TMEM273: variants seen among roughly 807,000 people sequenced by gnomAD.
TMEM273 encodes the protein chromosome 10 open reading frame 128.
A neutral mutation model predicts 17.9 loss-of-function variants in TMEM273; 19 were observed. The ratio of observed to expected loss-of-function variants is 1.06; its 90% CI spans 0.74 to 1.55. The LOEUF is 1.55. Ranked by LOEUF, TMEM273 falls within the 40% of genes most tolerant of loss-of-function variation. The pLI, the probability that TMEM273 is intolerant of heterozygous loss-of-function variation, is 0.00. For synonymous variants in TMEM273, 66 were observed against 62.0 expected, an observed-to-expected ratio of 1.07 and a Z score of -0.31; for missense variants, 194 against 155.6, an observed-to-expected ratio of 1.25 and a Z score of -1.31.
chr10:49,161,491 T>C, intron 6 of TMEM273, 108 bp downstream of exon 6: 1 of 1,435,018 alleles, frequency 7.0e-7, no homozygotes. Flanking sequence ...TGGTTGCCCG[T>C]CCCACGTGGC....
chr10:49,156,222 T>G, intron 6 of TMEM273: 3 of 1,397,292 alleles, frequency 2.1e-6, no homozygotes, highest in Non-Finnish European at 1.9e-6. Context: ...ACTTTTCACT[T>G]TCTGTAGTTG....
chr10:49,168,669 G>A (rs1229238427), intron 1 of TMEM273, among the ~76,000 whole-genome samples: 1 of 115,916 alleles, frequency 8.6e-6, no homozygotes, highest in Non-Finnish European at 1.6e-5. Flanking sequence ...AGGAAGGAAG[G>A]AAGAAAGGAA....
Position 49,166,072 on chromosome 10 carries a change from G to A in TMEM273, c.239-276C>T, listed in dbSNP as rs143681973. Among the ~76,000 whole-genome samples the A allele has an allele frequency of 2.2e-3, 341 of 152,232 alleles. 1 individual carries two copies. The highest frequency in any genetic ancestry group is 6.8e-3 in the Middle Eastern group (2 of 294). On this transcript the variant is annotated intron_variant, in intron 3 of 6. Coordinates refer to ENST00000374153, the MANE Select transcript of TMEM273 (RefSeq NM_001288740.3). ...CATCTCGGAAGCCTCCTCCTCTCCC[G>A]GCCCAGACCAGCCCCTTCTGCTTAT...
chr10:49,160,534 A>AT (rs1416349681), intron 6 of TMEM273: 5 of 152,170 alleles, frequency 3.3e-5, no homozygotes, highest in Admixed American at 1.3e-4. Flanking sequence ...AAATACAAAT[A>AT]TTTTTTCTGG....
chr10:49,164,374 A>T (rs1458539037), intron 5 of TMEM273, among the ~76,000 whole-genome samples: 1 of 151,854 alleles, frequency 6.6e-6, no homozygotes, highest in Non-Finnish European at 1.5e-5. Flanking sequence ...ACCTGGACTT[A>T]CTCCAGCAGG....
At chr10:49,175,630 C>T (rs1368952950) in intron 1 of TMEM273, among the ~76,000 whole-genome samples, 1 of 152,268 alleles carries the variant, frequency 6.6e-6, no homozygotes, top group Non-Finnish European at 1.5e-5. Context: ...CTGATCAATA[C>T]CTTTTCAGGC....
At position 49,171,026 on chromosome 10, in the gene TMEM273, G is replaced by A. The variant is rs114117177; in HGVS notation, c.44-3064C>T. Among the ~76,000 whole-genome samples, 285 of 152,326 alleles carry A rather than the reference G, an allele frequency of 1.9e-3. 2 individuals carry two copies. Among genetic ancestry groups the A allele is most frequent in the African/African-American group, 6.2e-3 (259 of 41,574 alleles). On this transcript the variant is annotated intron_variant, in intron 1 of 6. Transcript: ENST00000374153. ...CTCGGCTGCATTTAGATCTGTGGGA[G>A]ACCCCAGGAGGAAGCCCACGAGGAC... is the stretch of plus-strand genomic sequence containing the variant.
In TMEM273 at chr10:49,167,002, C is replaced by G. The variant is rs1442511848; in HGVS notation, c.105G>C (p.Lys35Asn). ...CCACAGCAGTCCCGATGAGGGCGTA[C>G]TTGAAATCTGAAACGCAGGGAGGAA... is the stretch of plus-strand genomic sequence containing the variant. Reference protein sequence around the residue: ...GKTPGAEIDFKYALIGTAVGV... With the variant: ...GKTPGAEIDFNYALIGTAVGV... The change falls in exon 3 of 7, where the codon AAG becomes AAC. Residue 35 changes from lysine to asparagine, a missense_variant. Physicochemically the swap from Lys to Asn is moderately conservative, Grantham distance 94 (BLOSUM62 0). Transcript: ENST00000374153. 1.2e-6 allele frequency: 2 copies of G among 1,613,854 alleles called. No individual in the cohort carries two copies. The highest frequency in any genetic ancestry group is 1.1e-5 in the South Asian group (1 of 91,080).
intron 6 of TMEM273, chr10:49,160,532 A>G (rs1845777862): frequency 6.6e-6 from 1 of 152,180 alleles, no homozygotes. Context: ...ATAAATACAA[A>G]TATTTTTTCT....
intron 4 of TMEM273, 167 bp from the exon 5 acceptor site, chr10:49,165,450 T>TG: frequency 6.8e-7 from 1 of 1,476,800 alleles, no homozygotes; most frequent in Non-Finnish European, 9.0e-7. Context: ...TGACAGGGGC[T>TG]GGAGGCCTCA....
chr10:49,156,220 C>T (rs1845496406), intron 6 of TMEM273: 1 of 1,401,198 alleles, frequency 7.1e-7, no homozygotes, highest in Non-Finnish European at 9.5e-7. Flanking sequence ...AAACTTTTCA[C>T]TTTCTGTAGT....
At chr10:49,172,827 A>G (rs1473155529) in intron 1 of TMEM273, among the ~76,000 whole-genome samples, 5 of 152,162 alleles carry the variant, frequency 3.3e-5, no homozygotes, top group Admixed American at 6.5e-5. Context: ...GCATCTGCCA[A>G]TTTCTAGGGG....
intron 1 of TMEM273, among the ~76,000 whole-genome samples, chr10:49,173,567 G>T (rs1337399594): frequency 2.0e-5 from 3 of 152,144 alleles, no homozygotes; most frequent in East Asian, 1.9e-4. Context: ...GTCAGTCCAG[G>T]ATCACTCCTT....
At chr10:49,168,520 CT>C (rs1564630872) in intron 1 of TMEM273, among the ~76,000 whole-genome samples, 1 of 152,124 alleles carries the variant, frequency 6.6e-6, no homozygotes, top group African/African-American at 2.4e-5. Flanking sequence ...TTGCTCCAGG[CT>C]CCATCCTAAA....
At chr10:49,156,415 G>A (rs80096937) in intron 6 of TMEM273, among the ~76,000 whole-genome samples, 27 of 152,294 alleles carry the variant, frequency 1.8e-4, no homozygotes, top group Middle Eastern at 3.4e-3. Flanking sequence ...TAAAAAAGGG[G>A]AAACATGGAA....
At chr10:49,165,646 A>G in intron 4 of TMEM273, 120 bp downstream of exon 4, 1 of 1,432,814 alleles carries the variant, frequency 7.0e-7, no homozygotes, top group Admixed American at 1.8e-5. Flanking sequence ...GGTGCATTCT[A>G]GTCACCTAGA....
At chr10:49,167,669 G>A (rs1001914284) in intron 2 of TMEM273, among the ~76,000 whole-genome samples, 4 of 152,352 alleles carry the variant, frequency 2.6e-5, no homozygotes, top group Non-Finnish European at 5.9e-5. Flanking sequence ...AGTGGGTGCT[G>A]GAGCCACGCA....
intron 6 of TMEM273, chr10:49,156,356 T>C: frequency 9.2e-7 from 1 of 1,092,602 alleles, no homozygotes; most frequent in Non-Finnish European, 1.2e-6. Context: ...GAGACTTCTC[T>C]GTGCTTGGTG....
intron 4 of TMEM273, 108 bp from the exon 5 acceptor site, chr10:49,165,391 C>T (rs1227000462): frequency 1.3e-6 from 2 of 1,529,136 alleles, no homozygotes; most frequent in East Asian, 2.5e-5. Context: ...ACCTTGATGC[C>T]AGCAGGGAAG....
Sources: gnomAD v4.1 joint callset for allele counts (sites outside exome capture counted in the v4.1 genomes callset) on GRCh38, gnomAD v4.1.1 for gene constraint, MANE v1.5 for transcripts, NCBI Gene and HGNC (gene_info 2026-07-23, HGNC 2026-07-21) for gene names.